CENPI: variants seen among roughly 807,000 people sequenced by gnomAD.
The protein encoded by CENPI is centromere protein I, also known as FSH primary response 1.
Under a neutral mutation model 60.4 loss-of-function variants are expected in CENPI, and 4 were observed. That is an observed-to-expected ratio of 0.07 (90% CI 0.03 to 0.15). CENPI has a LOEUF of 0.15. Ranked by LOEUF, CENPI falls within the 10% of genes least tolerant of loss-of-function variation. The pLI is 1.00. For synonymous variants in CENPI, 157 were observed against 189.4 expected (o/e 0.83, Z 1.40); for missense variants, 444 against 534.5 (o/e 0.83, Z 1.67).
At chrX:101,102,516 C>CACACACACACACACACTT in intron 4 of CENPI, 105 bp downstream of exon 4, 1 of 212,004 alleles carries the variant, frequency 4.7e-6, no homozygotes. Context: ...CACACACACA[C>CACACACACACACACACTT]ATATATATAT....
rs1051461920 is a variant in CENPI, at chrX:101,164,649, T to C, written c.*1682T>C. 2.0e-4 allele frequency among the ~76,000 whole-genome samples: 22 copies of C among 112,207 alleles called. No homozygotes were observed. The highest frequency in any genetic ancestry group is 7.5e-5 in the Non-Finnish European group (4 of 53,288). Reference sequence around the variant, plus strand: ...ACCCAGCCCAAAGTACCTGTTTTTATGGAGTTTACATTCCAATGGAGAAGA... The same window carrying C: ...ACCCAGCCCAAAGTACCTGTTTTTACGGAGTTTACATTCCAATGGAGAAGA... On this transcript the variant is annotated 3_prime_UTR_variant, in exon 22 of 22. Coordinates refer to ENST00000682095, the MANE Select transcript of CENPI (RefSeq NM_001386188.2).
intron 15 of CENPI, among the ~76,000 whole-genome samples, chrX:101,132,904 C>T (rs910061878): frequency 1.8e-5 from 2 of 110,850 alleles, no homozygotes; most frequent in Non-Finnish European, 3.8e-5. Context: ...TAGTAATAGT[C>T]GTTTTCTGCT....
chrX:101,142,480 AGG>A (rs2089923127), intron 16 of CENPI, among the ~76,000 whole-genome samples: 1 of 111,485 alleles, frequency 9.0e-6, no homozygotes, highest in African/African-American at 3.3e-5. Context: ...ACTGTCAAAA[AGG>A]GAGTAAATTG....
chrX:101,100,055 C>CTGTA (rs1229113724), intron 2 of CENPI: 9 of 110,743 alleles, frequency 8.1e-5, no homozygotes, highest in African/African-American at 3.0e-4. Flanking sequence ...TCCCGAAGTG[C>CTGTA]TGTATTACAG....
intron 4 of CENPI, among the ~76,000 whole-genome samples, chrX:101,103,465 C>G (rs754365464): frequency 8.1e-5 from 9 of 111,502 alleles, no homozygotes; most frequent in Admixed American, 3.8e-4. Context: ...CCTCAGCCTC[C>G]TGAGTAGCTG....
intron 4 of CENPI, among the ~76,000 whole-genome samples, chrX:101,108,441 C>G (rs944515017): frequency 1.9e-5 from 2 of 107,974 alleles, no homozygotes; most frequent in Non-Finnish European, 3.8e-5. Context: ...AGTGATCCAT[C>G]TGCTTCAGCA....
intron 16 of CENPI, among the ~76,000 whole-genome samples, chrX:101,142,669 T>C (rs1337407447): frequency 1.8e-5 from 2 of 111,386 alleles, no homozygotes; most frequent in Admixed American, 1.9e-4. Context: ...TCCTGAACAG[T>C]GAATTGTTTC....
the CENPI span, among the ~76,000 whole-genome samples, chrX:101,174,469 T>C: frequency 8.9e-6 from 1 of 112,146 alleles, no homozygotes; most frequent in Non-Finnish European, 1.9e-5. Flanking sequence ...ATACATGCCA[T>C]AGAATACTAC....
chrX:101,119,860 C>G (rs1307462223), intron 6 of CENPI, among the ~76,000 whole-genome samples: 2 of 111,479 alleles, frequency 1.8e-5, no homozygotes, highest in Non-Finnish European at 3.8e-5. Context: ...AAGTTTATGT[C>G]TTAATAAGTA....
At chrX:101,144,271 C>G (rs987789030) in intron 16 of CENPI, among the ~76,000 whole-genome samples, 1 of 107,407 alleles carries the variant, frequency 9.3e-6, no homozygotes, top group Non-Finnish European at 1.9e-5. Flanking sequence ...TTAGTAGAGA[C>G]AGGGTTTCAC....
intron 4 of CENPI, 77 bp downstream of exon 4, chrX:101,102,488 T>TACACACAC (rs1245763054): frequency 8.6e-5 from 29 of 336,023 alleles, no homozygotes; most frequent in South Asian, 5.0e-4. Flanking sequence ...ATAAATCTTA[T>TACACACAC]ATATATATAC....
At chrX:101,126,889 A>G in intron 9 of CENPI, 91 bp downstream of exon 9, 1 of 875,044 alleles carries the variant, frequency 1.1e-6, no homozygotes, top group Non-Finnish European at 1.7e-6. Context: ...AAATGTTTAC[A>G]GCCTACTGTT....
At chrX:101,162,473 A>AAAATATATATATAT (rs1303045267) in intron 21 of CENPI, among the ~76,000 whole-genome samples, 2 of 68,129 alleles carry the variant, frequency 2.9e-5, no homozygotes, top group African/African-American at 1.4e-4. Context: ...AAAAAAAAAA[A>AAAATATATATATAT]ATATATATAT....
rs764780306 is a variant in CENPI at position 101,165,949 on chromosome X, A to C, written c.*2982A>C. Among the ~76,000 whole-genome samples, 2 of 112,108 alleles carry C rather than the reference A, an allele frequency of 1.8e-5. No individual in the cohort carries two copies. Among genetic ancestry groups the C allele is most frequent in the Non-Finnish European group, 3.8e-5 (2 of 53,261 alleles). ...TTCAGATCATGATATTTTGGTCCTT[A>C]AGATCATGTAGAACTTTCCATTGTG... On this transcript the variant is annotated 3_prime_UTR_variant, in exon 22 of 22. Transcript: ENST00000682095.
chrX:101,132,073 G>C, intron 13 of CENPI, 117 bp from the exon 14 acceptor site: 1 of 496,604 alleles, frequency 2.0e-6, no homozygotes, highest in South Asian at 3.7e-5. Context: ...TTATATTCAT[G>C]ACAAAAAATT....
chrX:101,110,171 G>A (rs1013975787), intron 6 of CENPI, among the ~76,000 whole-genome samples, 173 bp downstream of exon 6: 4 of 112,024 alleles, frequency 3.6e-5, no homozygotes, highest in Non-Finnish European at 7.5e-5. Flanking sequence ...ACAGAAAAGG[G>A]CAAATAATAA....
downstream of CENPI, among the ~76,000 whole-genome samples, chrX:101,169,018 AATT>A (rs2090150806): frequency 8.9e-6 from 1 of 112,396 alleles, no homozygotes; most frequent in Non-Finnish European, 1.9e-5. Flanking sequence ...TCTTCAAAGA[AATT>A]AAAGCAACTA....
At chrX:101,159,457 T>C (rs931016889) in intron 20 of CENPI, among the ~76,000 whole-genome samples, 1 of 108,969 alleles carries the variant, frequency 9.2e-6, no homozygotes, top group African/African-American at 3.3e-5. Context: ...CCACCGCGCC[T>C]GGCCTTTTTT....
intron 15 of CENPI, among the ~76,000 whole-genome samples, chrX:101,139,252 GCC>G (rs2089887813): frequency 9.7e-6 from 1 of 102,989 alleles, no homozygotes; most frequent in South Asian, 4.5e-4. Context: ...GTGCCACCAC[GCC>G]TGGCTAATTT....
Sources: gnomAD v4.1 joint callset for allele counts (sites outside exome capture counted in the v4.1 genomes callset) on GRCh38, gnomAD v4.1.1 for gene constraint, MANE v1.5 for transcripts, NCBI Gene and HGNC (gene_info 2026-07-23, HGNC 2026-07-21) for gene names.